FBXO40: variants seen among roughly 807,000 people sequenced by gnomAD.
FBXO40 encodes F-box only protein 40.
A neutral mutation model predicts 49.9 loss-of-function variants in FBXO40; 50 were observed. That is an observed-to-expected ratio of 1.00 (90% CI 0.80 to 1.27). FBXO40 has a LOEUF of 1.27. Among genes scored for constraint, FBXO40 ranks in the 50% most tolerant of loss-of-function variants. FBXO40 has a pLI of 0.00. For missense variants in FBXO40, 895 were observed against 870.1 expected (o/e 1.03, Z -0.36); for synonymous variants, 340 against 320.2 (o/e 1.06, Z -0.66).
chr3:121,629,212 A>G lies in FBXO40; in HGVS notation c.*2302A>G, dbSNP rs1215383891. On this transcript the variant is annotated 3_prime_UTR_variant, in exon 4 of 4. Coordinates refer to ENST00000338040, the MANE Select transcript of FBXO40 (RefSeq NM_016298.4). ...TCATCGTAATGTGCCACTCGGTACT[A>G]TTTGGTAATGTCACTCTATTTTTCC... The G allele has an allele frequency of 6.6e-6, 1 of 152,198 alleles. No homozygotes were observed. The highest frequency in any genetic ancestry group is 2.4e-5 in the African/African-American group (1 of 41,450). 9.4% of individuals were successfully genotyped at this position (152,198 alleles called of 1,614,324 possible). A position where few individuals can be genotyped will look rare whatever the true frequency, so the allele number is the denominator to read the frequency against.
At chr3:121,616,947 A>G (rs1423400777) in intron 1 of FBXO40, among the ~76,000 whole-genome samples, 2 of 152,220 alleles carry the variant, frequency 1.3e-5, no homozygotes, top group Non-Finnish European at 2.9e-5. Flanking sequence ...CTCATATGTG[A>G]GAACTAAAAA....
In FBXO40 at chr3:121,622,334, T is replaced by C; in HGVS notation, c.905T>C (p.Val302Ala). The C allele has an allele frequency of 6.2e-7, 1 of 1,614,152 alleles. No individual in the cohort carries two copies. The highest frequency in any genetic ancestry group is 8.5e-7 in the Non-Finnish European group (1 of 1,180,032). Residue 302 changes from valine to alanine, a missense_variant, in exon 3 of 4, where the codon GTG (valine) becomes GCG (alanine). Coordinates refer to ENST00000338040, the MANE Select transcript of FBXO40 (RefSeq NM_016298.4). ...DGVLERLKTA[V>A]DAKDYNMYLV... is the part of the protein sequence containing the mutation. ...GTTCTGGAAAGACTGAAAACAGCTG[T>C]GGATGCAAAGGACTATAACATGTAT...
rs1576456205 is a variant in FBXO40, at chr3:121,622,817, G to A, written c.1388G>A (p.Cys463Tyr). 7 of 1,614,084 alleles carry A rather than the reference G, an allele frequency of 4.3e-6. No homozygotes were observed. Among genetic ancestry groups the A allele is most frequent in the East Asian group, 2.2e-5 (1 of 44,898 alleles). Reference sequence around the variant, plus strand: ...CTCCACGTGGAGCTCCACAGCGAGTGTGTGACCAGGAGACACAACAAAAGC... The same window carrying A: ...CTCCACGTGGAGCTCCACAGCGAGTATGTGACCAGGAGACACAACAAAAGC... ...GGLHVELHSE[C>Y]VTRRHNKSSS... The change falls in exon 3 of 4, where the codon TGT becomes TAT. Residue 463 changes from cysteine (C) to tyrosine (Y), a missense_variant. Coordinates refer to ENST00000338040, the MANE Select transcript of FBXO40 (RefSeq NM_016298.4).
intron 1 of FBXO40, among the ~76,000 whole-genome samples, chr3:121,597,005 C>A (rs1407180233): frequency 6.6e-6 from 1 of 152,110 alleles, no homozygotes; most frequent in Non-Finnish European, 1.5e-5. Context: ...AGTATTATCA[C>A]CCTCTGTTGA....
In FBXO40 at chr3:121,622,260, C is replaced by T. The variant is rs758894631; in HGVS notation, c.831C>T (p.Asp277=). 31 of 1,614,032 alleles carry T rather than the reference C, an allele frequency of 1.9e-5. No individual in the cohort carries two copies. Among genetic ancestry groups the T allele is most frequent in the East Asian group, 1.1e-4 (5 of 44,896 alleles). ...KEPQENQKQQ[D]VRTAMETTGL... is the part of the protein sequence containing the mutation. Reference sequence around the variant, plus strand: ...CACAGGAAAATCAGAAGCAGCAGGACGTTCGTACAGCCATGGAAACCACAG... The same window carrying T: ...CACAGGAAAATCAGAAGCAGCAGGATGTTCGTACAGCCATGGAAACCACAG... Residue 277 remains aspartate, a synonymous_variant, in exon 3 of 4, where the codon GAC becomes GAT. Transcript: ENST00000338040.
chr3:121,623,344 G>A lies in FBXO40; in HGVS notation c.1914+1G>A. ...CACCTCCTGGAGAGTCCACAGAGAG[G>A]TAAGTAAACACTCATTTATTGATTG... On this transcript the variant is annotated splice_donor_variant, in intron 3 of 3. Transcript: ENST00000338040. LOFTEE classifies it high-confidence loss of function. The A allele has an allele frequency of 1.2e-6, 2 of 1,608,054 alleles. No homozygotes were observed. The highest frequency in any genetic ancestry group is 1.7e-6 in the Non-Finnish European group (2 of 1,176,414).
chr3:121,625,868 G>A (rs551251663), intron 3 of FBXO40, among the ~76,000 whole-genome samples: 2 of 152,340 alleles, frequency 1.3e-5, no homozygotes, highest in South Asian at 4.1e-4. Context: ...GAAACTGTAG[G>A]TGAAGTAGTC....
chr3:121,606,928 A>G (rs892617196), intron 1 of FBXO40, among the ~76,000 whole-genome samples: 6 of 152,308 alleles, frequency 3.9e-5, no homozygotes, highest in Middle Eastern at 3.4e-3. Flanking sequence ...GCTACTTTGC[A>G]ATCTTTCAGG....
rs142317083 is a variant in FBXO40, at chr3:121,608,423, C to G, written c.-30-12123C>G. On this transcript the variant is annotated intron_variant, in intron 1 of 3. Transcript: ENST00000338040. ...AATTAGCTCAGCTTCCATCTGTAAA[C>G]CATTCTGTCTCAGGATTGTTAAGAG... Among the ~76,000 whole-genome samples the G allele has an allele frequency of 2.0e-5, 3 of 152,298 alleles. No homozygotes were observed. In the East Asian group the frequency reaches 5.8e-4, roughly 29 times the overall value.
intron 1 of FBXO40, among the ~76,000 whole-genome samples, chr3:121,602,430 C>G (rs2048905297): frequency 6.6e-6 from 1 of 152,182 alleles, no homozygotes; most frequent in Non-Finnish European, 1.5e-5. Flanking sequence ...CTCTATTTTT[C>G]TCAAAAATTA....
rs1434333351 is a variant in FBXO40 at position 121,622,374 on chromosome 3, G to A, written c.945G>A (p.Gly315=). 3.1e-6 allele frequency: 5 copies of A among 1,614,214 alleles called. No homozygotes were observed. The South Asian group carries it at 5.5e-5, about 18-fold the overall frequency. ...ATAACATGTATCTAGTGCACAATGG[G>A]CGGATGCTGATACACTTTGGTCAGA... ...KDYNMYLVHN[G]RMLIHFGQMP... is the part of the protein sequence containing the mutation. Residue 315 remains glycine (G), a synonymous_variant, in exon 3 of 4, where the codon GGG becomes GGA. Coordinates refer to ENST00000338040, the MANE Select transcript of FBXO40 (RefSeq NM_016298.4).
intron 1 of FBXO40, among the ~76,000 whole-genome samples, chr3:121,614,750 T>G (rs1489460878): frequency 1.3e-5 from 2 of 152,162 alleles, no homozygotes; most frequent in African/African-American, 4.8e-5. Context: ...TGAGCCCCAC[T>G]TACCCAAAGT....
chr3:121,626,882 T>G lies in FBXO40; in HGVS notation c.2102T>G (p.Ile701Ser). 1 of 1,614,084 alleles carries G rather than the reference T, an allele frequency of 6.2e-7. No homozygotes were observed. Among genetic ancestry groups the G allele is most frequent in the Non-Finnish European group, 8.5e-7 (1 of 1,180,010 alleles). The change falls in exon 4 of 4, where the codon ATC (isoleucine) becomes AGC (serine). Residue 701 changes from isoleucine to serine, a missense_variant. Ile to Ser is a moderately radical substitution (Grantham distance 142). Transcript: ENST00000338040. Reference protein sequence around the residue: ...ARESLVSTFRIRPRGRYVS With the variant: ...ARESLVSTFRSRPRGRYVS ...GAGAGCTTAGTCTCCACCTTTAGAATCAGACCACGAGGAAGATACGTCTCC... is the reference window on the plus strand; with the variant it reads ...GAGAGCTTAGTCTCCACCTTTAGAAGCAGACCACGAGGAAGATACGTCTCC...
rs2049042261 is a variant in FBXO40, at chr3:121,622,950, C to A, written c.1521C>A (p.Phe507Leu). Residue 507 changes from phenylalanine to leucine, a missense_variant, in exon 3 of 4, where the codon TTC becomes TTA. Transcript: ENST00000338040. ...TDIQSCLNGW[F>L]QHRCPLAYLG... ...TTCAGTCATGTCTCAATGGCTGGTT[C>A]CAGCATCGATGCCCCCTCGCCTACT... 1 of 1,614,078 alleles carries A rather than the reference C, an allele frequency of 6.2e-7. No individual in the cohort carries two copies. The highest frequency in any genetic ancestry group is 1.3e-5 in the African/African-American group (1 of 74,928).
intron 1 of FBXO40, among the ~76,000 whole-genome samples, chr3:121,618,880 T>C (rs1199747002): frequency 1.3e-5 from 2 of 152,056 alleles, no homozygotes; most frequent in African/African-American, 4.8e-5. Flanking sequence ...GTGTTCATTG[T>C]ATGTATTCCT....
At chr3:121,612,277 G>A (rs1309563736) in intron 1 of FBXO40, among the ~76,000 whole-genome samples, 1 of 152,192 alleles carries the variant, frequency 6.6e-6, no homozygotes, top group Non-Finnish European at 1.5e-5. Flanking sequence ...AACTTCGACG[G>A]CTGGTAAGAG....
chr3:121,623,972 G>A (rs4478028), intron 3 of FBXO40, among the ~76,000 whole-genome samples: 33,037 of 135,334 alleles, frequency 0.24, 4,403 homozygotes, highest in Admixed American at 0.44. Flanking sequence ...ACAGGCGTGA[G>A]CCACTGCACC....
At chr3:121,596,698 A>G (rs2048874579) in intron 1 of FBXO40, among the ~76,000 whole-genome samples, 1 of 152,158 alleles carries the variant, frequency 6.6e-6, no homozygotes, top group South Asian at 2.1e-4. Context: ...ATTATCTATT[A>G]TAAATCCAGC....
At chr3:121,614,471 CTGTT>C (rs554959772) in intron 1 of FBXO40, among the ~76,000 whole-genome samples, 2 of 151,710 alleles carry the variant, frequency 1.3e-5, no homozygotes, top group Non-Finnish European at 2.9e-5. Context: ...AAATGCTAAA[CTGTT>C]TGGGCCATCC....
Sources: gnomAD v4.1 joint callset for allele counts (sites outside exome capture counted in the v4.1 genomes callset) on GRCh38, gnomAD v4.1.1 for gene constraint, MANE v1.5 for transcripts, NCBI Gene and HGNC (gene_info 2026-07-23, HGNC 2026-07-21) for gene names.